Variants in PTPRT observed in about 807,000 individuals in gnomAD.
The protein encoded by PTPRT is receptor-type tyrosine-protein phosphatase T.
PTPRT carries 56 observed loss-of-function variants against 176.8 expected under a neutral mutation model. That is an observed-to-expected ratio of 0.32 (90% CI 0.26 to 0.40). The LOEUF (loss-of-function observed/expected upper bound fraction) is 0.40, where lower values mean the gene tolerates loss of function less well. Among genes scored for constraint, PTPRT ranks in the 10% least tolerant of loss-of-function variants. PTPRT has a pLI of 1.00. For synonymous variants in PTPRT, 783 were observed against 739.0 expected, an observed-to-expected ratio of 1.06 and a Z score of -0.96; for missense variants, 1,540 against 1,908.2, an observed-to-expected ratio of 0.81 and a Z score of 3.60.
chr20:42,903,204 TAAC>T (rs2079429071), intron 1 of PTPRT, among the ~76,000 whole-genome samples: 1 of 152,216 alleles, frequency 6.6e-6, no homozygotes, highest in South Asian at 2.1e-4. Context: ...TACTTAATCT[TAAC>T]AACCATCTTG....
chr20:42,487,378 T>C (rs1476464476), intron 7 of PTPRT, among the ~76,000 whole-genome samples: 1 of 152,096 alleles, frequency 6.6e-6, no homozygotes. Flanking sequence ...CACCCTGATA[T>C]CCTCTGCCCC....
intron 7 of PTPRT, among the ~76,000 whole-genome samples, chr20:42,476,268 T>C (rs928417921): frequency 2.0e-5 from 3 of 152,018 alleles, no homozygotes; most frequent in Admixed American, 6.5e-5. Context: ...GAGACTCCAG[T>C]GGAAGAGAAA....
chr20:42,682,429 T>G (rs1356781354), intron 6 of PTPRT, among the ~76,000 whole-genome samples: 1 of 152,194 alleles, frequency 6.6e-6, no homozygotes, highest in African/African-American at 2.4e-5. Flanking sequence ...CTTGAATTCC[T>G]AACAGTTTTT....
intron 29 of PTPRT, among the ~76,000 whole-genome samples, chr20:42,083,132 A>AAAAAT (rs1983515945): frequency 6.6e-6 from 1 of 150,952 alleles, no homozygotes; most frequent in African/African-American, 2.4e-5. Context: ...AAAAAAAAAA[A>AAAAAT]AAAAGCAGGC....
At chr20:42,751,779 T>C (rs1247787217) in intron 6 of PTPRT, among the ~76,000 whole-genome samples, 1 of 152,138 alleles carries the variant, frequency 6.6e-6, no homozygotes, top group Non-Finnish European at 1.5e-5. Context: ...TCTCGGGCCT[T>C]TGGCCACAGA....
At chr20:42,708,999 G>T (rs1194526703) in intron 6 of PTPRT, among the ~76,000 whole-genome samples, 2 of 152,206 alleles carry the variant, frequency 1.3e-5, no homozygotes, top group African/African-American at 4.8e-5. Context: ...GCTGCCAGGT[G>T]GAGGTGTACA....
the PTPRT span, among the ~76,000 whole-genome samples, chr20:42,035,172 G>A: frequency 6.6e-6 from 1 of 152,222 alleles, no homozygotes; most frequent in East Asian, 1.9e-4. Context: ...TTTCCCCCTA[G>A]TTCCCACTGA....
chr20:42,261,201 C>T (rs1271456774), intron 13 of PTPRT, among the ~76,000 whole-genome samples: 2 of 152,122 alleles, frequency 1.3e-5, no homozygotes, highest in East Asian at 3.9e-4. Flanking sequence ...TTCTTCCTAG[C>T]TTCTGCTAGT....
chr20:42,630,230 A>G (rs909360772), intron 7 of PTPRT, among the ~76,000 whole-genome samples: 2 of 152,142 alleles, frequency 1.3e-5, no homozygotes, highest in African/African-American at 2.4e-5. Flanking sequence ...TAGGAGCTAG[A>G]AAAAGTCAGC....
chr20:42,932,262 T>A (rs2145974575), intron 1 of PTPRT, among the ~76,000 whole-genome samples: 1 of 152,324 alleles, frequency 6.6e-6, no homozygotes, highest in South Asian at 2.1e-4. Context: ...CCCATGAGGA[T>A]CCTGGACTCA....
intron 2 of PTPRT, among the ~76,000 whole-genome samples, chr20:42,821,523 CCACTCCTATTCAA>C (rs1285535067): frequency 6.6e-6 from 1 of 152,134 alleles, no homozygotes; most frequent in Non-Finnish European, 1.5e-5. Flanking sequence ...CCTCCTCTCA[CCACTCCTATTCAA>C]CACAGTATTG....
chr20:42,999,379 A>C (rs1482661989), intron 1 of PTPRT, among the ~76,000 whole-genome samples: 1 of 152,102 alleles, frequency 6.6e-6, no homozygotes, highest in African/African-American at 2.4e-5. Context: ...TTTATACAAT[A>C]AGAATGTATT....
intron 1 of PTPRT, among the ~76,000 whole-genome samples, chr20:42,941,359 A>G (rs79124351): frequency 0.019 from 2,861 of 152,308 alleles, 98 homozygotes; most frequent in African/African-American, 0.065. Context: ...TACCTGGCCC[A>G]TACCAGATGC....
At position 42,076,987 on chromosome 20, in the gene PTPRT, C is replaced by A. The variant is rs1021860128; in HGVS notation, c.*3892G>T. On this transcript the variant is annotated 3_prime_UTR_variant, in exon 31 of 31. Transcript: ENST00000373187. ...TATTGTCTCTGTAGTGAGAAAAAAC[C>A]GGTTTAAATCCTGGTTCATTCACTC... 3 of 191,570 alleles carry A rather than the reference C, an allele frequency of 1.6e-5. No individual in the cohort carries two copies. The highest frequency in any genetic ancestry group is 1.7e-4 in the East Asian group (2 of 12,110). 11.9% of individuals were successfully genotyped at this position (191,570 alleles called of 1,614,324 possible).
chr20:42,717,541 T>C (rs1277852196), intron 6 of PTPRT, among the ~76,000 whole-genome samples: 2 of 152,160 alleles, frequency 1.3e-5, no homozygotes, highest in Non-Finnish European at 2.9e-5. Context: ...TAGACCTATA[T>C]TTGAAATGTA....
intron 13 of PTPRT, among the ~76,000 whole-genome samples, chr20:42,257,213 T>C (rs1473636011): frequency 6.6e-6 from 1 of 152,150 alleles, no homozygotes; most frequent in South Asian, 2.1e-4. Context: ...AACTGCAGCT[T>C]GATTTTAGCC....
intron 2 of PTPRT, among the ~76,000 whole-genome samples, chr20:42,799,051 G>C (rs1226159112): frequency 1.3e-5 from 2 of 151,918 alleles, no homozygotes; most frequent in African/African-American, 4.8e-5. Flanking sequence ...GGAAGAGGGA[G>C]AGACACAAGA....
chr20:42,288,411 T>C (rs1040801909), intron 12 of PTPRT, among the ~76,000 whole-genome samples: 1 of 152,024 alleles, frequency 6.6e-6, no homozygotes, highest in African/African-American at 2.4e-5. Context: ...TACATGAATA[T>C]ATTATGGAAT....
intron 6 of PTPRT, among the ~76,000 whole-genome samples, chr20:42,695,632 A>G (rs11086848): frequency 0.36 from 55,496 of 152,050 alleles, 11,145 homozygotes; most frequent in African/African-American, 0.54. Flanking sequence ...CAAACTGGGA[A>G]GCATGTATCC....
Sources: allele counts gnomAD v4.1 joint callset (sites outside exome capture counted in the v4.1 genomes callset), GRCh38; gene constraint gnomAD v4.1.1; transcripts MANE v1.5; gene names NCBI Gene and HGNC (gene_info 2026-07-23, HGNC 2026-07-21).